The following DPYD variants were observed in gnomAD, a reference collection of about 807,000 sequenced individuals.
DPYD encodes the protein dihydropyrimidine dehydrogenase.
DPYD carries 109 observed loss-of-function variants against 116.2 expected under a neutral mutation model. That is an observed-to-expected ratio of 0.94 (90% CI 0.80 to 1.10). The LOEUF (loss-of-function observed/expected upper bound fraction) is 1.10. DPYD is among the 50% of genes least tolerant of loss of function. DPYD has a pLI of 0.00. For missense variants in DPYD, 1,302 were observed against 1,254.5 expected, an observed-to-expected ratio of 1.04 and a Z score of -0.57; for synonymous variants, 440 against 432.0, an observed-to-expected ratio of 1.02 and a Z score of -0.23.
At chr1:97,904,732 C>T (rs1351827391) in intron 1 of DPYD, among the ~76,000 whole-genome samples, 1 of 152,140 alleles carries the variant, frequency 6.6e-6, no homozygotes, top group South Asian at 2.1e-4. Context: ...ACTACTCATT[C>T]TCTGGGTATC....
chr1:97,448,307 T>C (rs1676205066), intron 14 of DPYD, among the ~76,000 whole-genome samples: 1 of 152,176 alleles, frequency 6.6e-6, no homozygotes, highest in African/African-American at 2.4e-5. Flanking sequence ...AAATTTCAAG[T>C]TCAAATTCTA....
chr1:97,464,268 TAAAATAAAA>T (rs1407745939), intron 13 of DPYD, among the ~76,000 whole-genome samples: 2 of 145,508 alleles, frequency 1.4e-5, no homozygotes, highest in East Asian at 4.1e-4. Context: ...TAAAATAAAA[TAAAATAAAA>T]TAAAATAAAG....
chr1:97,312,573 T>C (rs1465520867), intron 16 of DPYD, among the ~76,000 whole-genome samples: 2 of 151,952 alleles, frequency 1.3e-5, no homozygotes, highest in South Asian at 2.1e-4. Flanking sequence ...TATGCAGCCA[T>C]TAAAAATAAA....
At chr1:97,218,153 T>C (rs954221233) in intron 19 of DPYD, among the ~76,000 whole-genome samples, 2 of 152,136 alleles carry the variant, frequency 1.3e-5, no homozygotes, top group African/African-American at 4.8e-5. Context: ...ATCTTCAAGC[T>C]TAGGATGAAC....
chr1:97,528,543 A>C (rs928938571), intron 12 of DPYD, among the ~76,000 whole-genome samples: 2 of 152,046 alleles, frequency 1.3e-5, no homozygotes, highest in African/African-American at 4.8e-5. Context: ...CTCTACCCCC[A>C]ATTATCAGCT....
At chr1:97,530,838 G>A (rs1008040846) in intron 12 of DPYD, among the ~76,000 whole-genome samples, 5 of 152,102 alleles carry the variant, frequency 3.3e-5, no homozygotes, top group African/African-American at 4.8e-5. Flanking sequence ...ATATCTCAAT[G>A]TGGTTTTGAT....
intron 16 of DPYD, among the ~76,000 whole-genome samples, chr1:97,353,113 T>C (rs1670236564): frequency 6.6e-6 from 1 of 152,112 alleles, no homozygotes; most frequent in Admixed American, 6.6e-5. Context: ...GCATGGAATC[T>C]AGTAAGAAAA....
intron 10 of DPYD, among the ~76,000 whole-genome samples, chr1:97,583,901 T>G: frequency 6.6e-6 from 1 of 152,202 alleles, no homozygotes; most frequent in East Asian, 1.9e-4. Context: ...CATAGCACCA[T>G]GATTTATAAT....
At chr1:97,440,068 G>A (rs1363142107) in intron 14 of DPYD, among the ~76,000 whole-genome samples, 1 of 152,064 alleles carries the variant, frequency 6.6e-6, no homozygotes, top group Middle Eastern at 3.2e-3. Flanking sequence ...CTGAGGTCGG[G>A]AGTTCGAGAC....
intron 18 of DPYD, among the ~76,000 whole-genome samples, chr1:97,276,676 C>CAAAAAAAAAAAAAA (rs36074078): frequency 1.7e-5 from 2 of 116,632 alleles, no homozygotes; most frequent in Non-Finnish European, 3.7e-5. Context: ...GACTCTGTCT[C>CAAAAAAAAAAAAAA]AAAAAAAAAA....
chr1:97,486,391 A>G (rs1678637333), intron 13 of DPYD, among the ~76,000 whole-genome samples: 1 of 152,154 alleles, frequency 6.6e-6, no homozygotes, highest in South Asian at 2.1e-4. Context: ...GTTGTTGTTG[A>G]AAGTTGGGGC....
chr1:97,583,220 C>T (rs775746753), intron 10 of DPYD, among the ~76,000 whole-genome samples: 1 of 152,142 alleles, frequency 6.6e-6, no homozygotes, highest in Non-Finnish European at 1.5e-5. Flanking sequence ...CCACCCGCCC[C>T]GGCTTCCCAA....
intron 13 of DPYD, among the ~76,000 whole-genome samples, chr1:97,490,288 T>A (rs1317182576): frequency 6.7e-6 from 1 of 149,586 alleles, no homozygotes; most frequent in African/African-American, 2.4e-5. Context: ...CATACCTTCA[T>A]CCTTTATTAT....
intron 18 of DPYD, among the ~76,000 whole-genome samples, chr1:97,288,754 C>A (rs555334327): frequency 1.4e-4 from 21 of 149,566 alleles, no homozygotes; most frequent in South Asian, 4.4e-4. Context: ...AAAATTGACA[C>A]CCTAACATCA....
At chr1:97,215,467 C>T (rs941883453) in intron 19 of DPYD, among the ~76,000 whole-genome samples, 4 of 151,994 alleles carry the variant, frequency 2.6e-5, no homozygotes, top group Admixed American at 6.5e-5. Flanking sequence ...TCTAGAGAGC[C>T]GAAGTCCACT....
At chr1:97,277,977 ATATT>A (rs1665061106) in intron 18 of DPYD, among the ~76,000 whole-genome samples, 1 of 152,118 alleles carries the variant, frequency 6.6e-6, no homozygotes, top group Admixed American at 6.5e-5. Context: ...GCATTCTACT[ATATT>A]TAGCCCTTTG....
chr1:97,158,540 T>C (rs1015097041), intron 20 of DPYD, among the ~76,000 whole-genome samples: 6 of 124,614 alleles, frequency 4.8e-5, no homozygotes, highest in South Asian at 2.6e-4. Context: ...CCAAATGCAC[T>C]GAAGAATGTC....
chr1:97,626,612 CT>C, intron 8 of DPYD, among the ~76,000 whole-genome samples: 1 of 152,066 alleles, frequency 6.6e-6, no homozygotes, highest in Middle Eastern at 3.4e-3. Flanking sequence ...AAACATTGGT[CT>C]TCTAAAACAA....
chr1:97,109,234 C>T (rs1417273739), intron 20 of DPYD, among the ~76,000 whole-genome samples: 2 of 152,180 alleles, frequency 1.3e-5, no homozygotes, highest in East Asian at 1.9e-4. Context: ...GCATAAATCT[C>T]ATTTATGCAC....
Sources: allele counts gnomAD v4.1 joint callset (sites outside exome capture counted in the v4.1 genomes callset), GRCh38; gene constraint gnomAD v4.1.1; transcripts MANE v1.5; gene names NCBI Gene and HGNC (gene_info 2026-07-23, HGNC 2026-07-21).